BMP5: variants seen among roughly 807,000 people sequenced by gnomAD.
BMP5 encodes bone morphogenetic protein 5.
Under a neutral mutation model 46.6 loss-of-function variants are expected in BMP5, and 23 were observed. The observed-to-expected ratio is 0.49, with a 90% CI of 0.35 to 0.70. The LOEUF (loss-of-function observed/expected upper bound fraction) is 0.70. Among genes scored for constraint, BMP5 ranks in the 30% least tolerant of loss-of-function variants. The probability of loss-of-function intolerance (pLI) is 0.00; values close to 1 mark genes in which losing one functional copy is unlikely to be tolerated. For synonymous variants in BMP5, 204 were observed against 191.9 expected (o/e 1.06, Z -0.52); for missense variants, 545 against 565.6 (o/e 0.96, Z 0.37).
chr6:55,830,774 C>T (rs966688674), intron 1 of BMP5, among the ~76,000 whole-genome samples: 7 of 152,042 alleles, frequency 4.6e-5, no homozygotes, highest in African/African-American at 1.7e-4. Flanking sequence ...ATTTAAGTCA[C>T]ATATTCTCCA....
intron 4 of BMP5, among the ~76,000 whole-genome samples, chr6:55,766,972 G>A (rs567321208): frequency 6.6e-6 from 1 of 152,072 alleles, no homozygotes; most frequent in East Asian, 1.9e-4. Context: ...ATGGCATATA[G>A]TTATATAGCA....
intron 2 of BMP5, among the ~76,000 whole-genome samples, chr6:55,807,470 T>C (rs1175794169): frequency 1.3e-5 from 2 of 152,130 alleles, no homozygotes; most frequent in East Asian, 3.9e-4. Flanking sequence ...TTTGCCAGTA[T>C]TTTATTGAGG....
chr6:55,867,102 T>G (rs1246105095), intron 1 of BMP5, among the ~76,000 whole-genome samples: 2 of 152,186 alleles, frequency 1.3e-5, no homozygotes, highest in African/African-American at 2.4e-5. Flanking sequence ...AAAGACTAAC[T>G]TTTAGGAACT....
At chr6:55,822,203 A>T (rs911727579) in intron 1 of BMP5, among the ~76,000 whole-genome samples, 1 of 152,188 alleles carries the variant, frequency 6.6e-6, no homozygotes, top group African/African-American at 2.4e-5. Context: ...GCGTCTGCTA[A>T]CACACTATGG....
intron 1 of BMP5, among the ~76,000 whole-genome samples, chr6:55,823,556 G>C (rs1776459475): frequency 6.6e-6 from 1 of 151,992 alleles, no homozygotes; most frequent in African/African-American, 2.4e-5. Flanking sequence ...CCCAAAACTT[G>C]TAATCGAAAG....
At chr6:55,820,681 G>C (rs1409001839) in intron 1 of BMP5, among the ~76,000 whole-genome samples, 3 of 152,064 alleles carry the variant, frequency 2.0e-5, no homozygotes, top group Non-Finnish European at 4.4e-5. Flanking sequence ...GCATCCCAAA[G>C]TTCTGGGATT....
chr6:55,863,081 G>C (rs1242980068), intron 1 of BMP5, among the ~76,000 whole-genome samples: 1 of 152,094 alleles, frequency 6.6e-6, no homozygotes, highest in Non-Finnish European at 1.5e-5. Context: ...ACAGTCTTTC[G>C]CACAGTGTCT....
intron 1 of BMP5, among the ~76,000 whole-genome samples, chr6:55,840,024 CAG>C (rs1322604268): frequency 6.6e-6 from 1 of 152,020 alleles, no homozygotes; most frequent in Non-Finnish European, 1.5e-5. Context: ...GTCTTATAAA[CAG>C]AAGTTTTTTA....
At chr6:55,851,465 C>A (rs538851659) in intron 1 of BMP5, among the ~76,000 whole-genome samples, 26 of 152,266 alleles carry the variant, frequency 1.7e-4, no homozygotes, top group Admixed American at 9.2e-4. Context: ...AGAGCCAGTT[C>A]TCCCATGGAG....
At chr6:55,808,031 G>A (rs988130230) in intron 2 of BMP5, among the ~76,000 whole-genome samples, 2 of 152,254 alleles carry the variant, frequency 1.3e-5, no homozygotes, top group Admixed American at 1.3e-4. Flanking sequence ...TCAGTGGGGG[G>A]AGAAACCCAC....
At chr6:55,768,915 G>T (rs1414072084) in intron 4 of BMP5, among the ~76,000 whole-genome samples, 1 of 151,860 alleles carries the variant, frequency 6.6e-6, no homozygotes, top group Non-Finnish European at 1.5e-5. Flanking sequence ...AAAAGTTATG[G>T]TTACATTATA....
chr6:55,757,998 A>G (rs1300750134), intron 6 of BMP5, among the ~76,000 whole-genome samples: 1 of 151,808 alleles, frequency 6.6e-6, no homozygotes. Flanking sequence ...ATTGTGGGGG[A>G]AAATAGCAAA....
At chr6:55,851,187 T>C (rs956291910) in intron 1 of BMP5, among the ~76,000 whole-genome samples, 1 of 151,844 alleles carries the variant, frequency 6.6e-6, no homozygotes, top group Admixed American at 6.6e-5. Context: ...AAGCTATTTA[T>C]CATTTTTTTT....
chr6:55,809,619 A>G (rs552774146), intron 2 of BMP5, among the ~76,000 whole-genome samples: 1 of 152,190 alleles, frequency 6.6e-6, no homozygotes, highest in African/African-American at 2.4e-5. Flanking sequence ...TATATTATAT[A>G]CATATATATA....
intron 3 of BMP5, 52 bp downstream of exon 3, chr6:55,794,227 C>T (rs1775650426): frequency 6.3e-7 from 1 of 1,597,648 alleles, no homozygotes; most frequent in Non-Finnish European, 8.6e-7. Flanking sequence ...AACGATAACT[C>T]TCAATGTGTC....
At chr6:55,795,205 T>C (rs1775678295) in intron 2 of BMP5, among the ~76,000 whole-genome samples, 1 of 152,148 alleles carries the variant, frequency 6.6e-6, no homozygotes, top group African/African-American at 2.4e-5. Flanking sequence ...TAATTTATTA[T>C]TCTCTTACTA....
At chr6:55,827,317 G>A (rs1311034730) in intron 1 of BMP5, among the ~76,000 whole-genome samples, 1 of 151,364 alleles carries the variant, frequency 6.6e-6, no homozygotes, top group Non-Finnish European at 1.5e-5. Context: ...TTAATCATTT[G>A]GTATCTTAAT....
At position 55,864,900 on chromosome 6, in the gene BMP5, G is replaced by A. The variant is rs149850174; in HGVS notation, c.490+9476C>T. On this transcript the variant is annotated intron_variant, in intron 1 of 6. Transcript: ENST00000370830. Reference sequence around the variant, plus strand: ...TAATTAACAAAAATATTTAATAGCCGCATCTGAAAAAAAAAACCCAAACAA... The same window carrying A: ...TAATTAACAAAAATATTTAATAGCCACATCTGAAAAAAAAAACCCAAACAA... Among the ~76,000 whole-genome samples, 521 of 150,404 alleles carry A rather than the reference G, an allele frequency of 3.5e-3. 5 individuals carry two copies. The highest frequency in any genetic ancestry group is 0.012 in the African/African-American group (499 of 41,000).
chr6:55,830,552 A>G (rs1157965558), intron 1 of BMP5, among the ~76,000 whole-genome samples: 1 of 152,016 alleles, frequency 6.6e-6, no homozygotes, highest in East Asian at 1.9e-4. Flanking sequence ...GTCTTTTGAG[A>G]TTTATGTTAG....
Sources: gnomAD v4.1 joint callset for allele counts (sites outside exome capture counted in the v4.1 genomes callset) on GRCh38, gnomAD v4.1.1 for gene constraint, MANE v1.5 for transcripts, NCBI Gene and HGNC (gene_info 2026-07-23, HGNC 2026-07-21) for gene names.